ST6GALNAC3: variants seen among roughly 807,000 people sequenced by gnomAD.
ST6GALNAC3 encodes ST6 N-acetylgalactosaminide alpha-2,6-sialyltransferase 3, also known as alpha-N-acetylgalactosaminide alpha-2,6-sialyltransferase 3.
ST6GALNAC3 carries 25 observed loss-of-function variants against 32.7 expected under a neutral mutation model. The ratio of observed to expected loss-of-function variants is 0.76; its 90% CI spans 0.56 to 1.07. The LOEUF is 1.07. Among genes scored for constraint, ST6GALNAC3 ranks in the 50% least tolerant of loss-of-function variants. ST6GALNAC3 has a pLI of 0.00. For missense variants in ST6GALNAC3, 355 were observed against 382.4 expected (o/e 0.93, Z 0.60); for synonymous variants, 129 against 133.1 (o/e 0.97, Z 0.21).
At position 76,492,038 on chromosome 1, in the gene ST6GALNAC3, G is replaced by A. The variant is rs146356429; in HGVS notation, c.623+79621G>A. 3.6e-3 allele frequency among the ~76,000 whole-genome samples: 541 copies of A among 152,270 alleles called. 4 individuals carry two copies. The Middle Eastern group carries it at 0.044, about 12-fold the overall frequency. On this transcript the variant is annotated intron_variant, in intron 3 of 4. Transcript: ENST00000328299. ...ATTAGATATACACAACTGTCCTGTG[G>A]CATCAGCAGCATATATTGTTATTCC...
chr1:76,538,725 A>G (rs1373608503), intron 3 of ST6GALNAC3, among the ~76,000 whole-genome samples: 1 of 152,180 alleles, frequency 6.6e-6, no homozygotes, highest in East Asian at 1.9e-4. Flanking sequence ...CACCAACAGT[A>G]GACAACCAGA....
chr1:76,375,638 A>G (rs538926409), intron 2 of ST6GALNAC3, among the ~76,000 whole-genome samples: 3 of 152,258 alleles, frequency 2.0e-5, no homozygotes, highest in African/African-American at 7.2e-5. Flanking sequence ...GGAGGGGTTG[A>G]CTCGGTTAGA....
At position 76,361,339 on chromosome 1, in the gene ST6GALNAC3, T is replaced by C. The variant is rs570997875; in HGVS notation, c.213+47340T>C. ...TGGAACCATGCAGTACTGGTTTTTT[T>C]GGTGACTGGCTTATTTCATTTTATA... On this transcript the variant is annotated intron_variant, in intron 2 of 4. Transcript: ENST00000328299. 5.9e-5 allele frequency among the ~76,000 whole-genome samples: 9 copies of C among 152,288 alleles called. No homozygotes were observed. The South Asian group carries it at 8.3e-4, about 14-fold the overall frequency.
intron 3 of ST6GALNAC3, among the ~76,000 whole-genome samples, chr1:76,452,836 A>G (rs1657507013): frequency 1.3e-5 from 2 of 152,134 alleles, no homozygotes; most frequent in South Asian, 4.1e-4. Context: ...ATCTTATGGC[A>G]TAGTGTCAGT....
chr1:76,370,471 T>A (rs1249104033), intron 2 of ST6GALNAC3, among the ~76,000 whole-genome samples: 1 of 152,126 alleles, frequency 6.6e-6, no homozygotes, highest in Non-Finnish European at 1.5e-5. Context: ...CATAGACATA[T>A]CCCCGGACTA....
intron 2 of ST6GALNAC3, among the ~76,000 whole-genome samples, chr1:76,391,085 G>T (rs897654589): frequency 6.6e-6 from 1 of 151,210 alleles, no homozygotes; most frequent in East Asian, 2.0e-4. Context: ...GACTACGGGC[G>T]CCCACCACCA....
At chr1:76,132,540 C>A (rs1649678576) in intron 1 of ST6GALNAC3, among the ~76,000 whole-genome samples, 1 of 152,178 alleles carries the variant, frequency 6.6e-6, no homozygotes, top group Admixed American at 6.5e-5. Flanking sequence ...TGAGTCTTAT[C>A]TATCCTTTGT....
At chr1:76,289,916 C>T (rs1659983259) in intron 1 of ST6GALNAC3, among the ~76,000 whole-genome samples, 1 of 152,144 alleles carries the variant, frequency 6.6e-6, no homozygotes, top group South Asian at 2.1e-4. Context: ...AGTTGCTTTG[C>T]CTGCCTTGCC....
chr1:76,156,464 T>G (rs1651432889), intron 1 of ST6GALNAC3, among the ~76,000 whole-genome samples: 1 of 152,178 alleles, frequency 6.6e-6, no homozygotes, highest in African/African-American at 2.4e-5. Flanking sequence ...TTCAATTGTT[T>G]ATTTCTATCA....
intron 2 of ST6GALNAC3, among the ~76,000 whole-genome samples, chr1:76,356,844 A>G (rs1328528729): frequency 1.3e-5 from 2 of 152,168 alleles, no homozygotes; most frequent in Non-Finnish European, 2.9e-5. Flanking sequence ...TCTTTGAGCC[A>G]TTCCCTTCCC....
At chr1:76,555,770 T>C (rs1039517912) in intron 3 of ST6GALNAC3, among the ~76,000 whole-genome samples, 4 of 152,090 alleles carry the variant, frequency 2.6e-5, no homozygotes, top group African/African-American at 9.7e-5. Context: ...AGATAAAGAT[T>C]ACAGTAGAAT....
chr1:76,176,997 C>T (rs1300060083), intron 1 of ST6GALNAC3, among the ~76,000 whole-genome samples: 5 of 152,096 alleles, frequency 3.3e-5, no homozygotes, highest in African/African-American at 1.2e-4. Flanking sequence ...ATCACTTGAG[C>T]CCAGGAGTTC....
chr1:76,233,524 A>C (rs1449453273), intron 1 of ST6GALNAC3, among the ~76,000 whole-genome samples: 1 of 152,178 alleles, frequency 6.6e-6, no homozygotes, highest in East Asian at 1.9e-4. Flanking sequence ...ATCCACCACA[A>C]AGGGCATGCA....
At chr1:76,337,544 C>T (rs954652204) in intron 2 of ST6GALNAC3, among the ~76,000 whole-genome samples, 8 of 151,982 alleles carry the variant, frequency 5.3e-5, no homozygotes, top group African/African-American at 1.9e-4. Flanking sequence ...CCTAAAGTGT[C>T]AGGGATCTAA....
At chr1:76,145,645 G>A (rs1340674548) in intron 1 of ST6GALNAC3, among the ~76,000 whole-genome samples, 1 of 152,194 alleles carries the variant, frequency 6.6e-6, no homozygotes, top group African/African-American at 2.4e-5. Context: ...GGCTGTTTAA[G>A]TCGATATGTC....
At chr1:76,160,090 T>C (rs1192289120) in intron 1 of ST6GALNAC3, among the ~76,000 whole-genome samples, 1 of 151,996 alleles carries the variant, frequency 6.6e-6, no homozygotes, top group Non-Finnish European at 1.5e-5. Flanking sequence ...TATTCAAGGA[T>C]GAGTAGGAAT....
intron 3 of ST6GALNAC3, among the ~76,000 whole-genome samples, chr1:76,510,458 T>C (rs1571466054): frequency 6.6e-6 from 1 of 151,684 alleles, no homozygotes; most frequent in African/African-American, 2.4e-5. Flanking sequence ...ACATATTATA[T>C]AGGAACAATA....
intron 1 of ST6GALNAC3, among the ~76,000 whole-genome samples, chr1:76,116,989 G>T (rs1648524330): frequency 1.3e-5 from 2 of 151,998 alleles, no homozygotes; most frequent in South Asian, 4.1e-4. Context: ...ATATTCCTGG[G>T]CTCTCCACAT....
chr1:76,216,290 A>G (rs1488079330), intron 1 of ST6GALNAC3, among the ~76,000 whole-genome samples: 1 of 152,152 alleles, frequency 6.6e-6, no homozygotes, highest in African/African-American at 2.4e-5. Context: ...ACAGACTCAC[A>G]CACACAAATA....
Sources: allele counts gnomAD v4.1 joint callset (sites outside exome capture counted in the v4.1 genomes callset), GRCh38; gene constraint gnomAD v4.1.1; transcripts MANE v1.5; gene names NCBI Gene and HGNC (gene_info 2026-07-23, HGNC 2026-07-21).